The following KCNMA1 variants were observed in gnomAD, a reference collection of about 807,000 sequenced individuals.
KCNMA1 encodes the protein potassium calcium-activated channel subfamily M alpha 1.
Under a neutral mutation model 140.0 loss-of-function variants are expected in KCNMA1, and 29 were observed. The observed-to-expected ratio is 0.21, with a 90% CI of 0.15 to 0.28. The LOEUF (loss-of-function observed/expected upper bound fraction) is 0.28, where lower values mean the gene tolerates loss of function less well. KCNMA1 is among the 10% of genes least tolerant of loss of function. KCNMA1 has a pLI of 1.00. For synonymous variants in KCNMA1, 612 were observed against 611.9 expected, an observed-to-expected ratio of 1.00 and a Z score of 0.00; for missense variants, 880 against 1,602.2, an observed-to-expected ratio of 0.55 and a Z score of 7.70.
chr10:77,222,364 T>C (rs2049967499), intron 3 of KCNMA1, among the ~76,000 whole-genome samples: 1 of 152,218 alleles, frequency 6.6e-6, no homozygotes, highest in Non-Finnish European at 1.5e-5. Flanking sequence ...TCTAACCCTC[T>C]ATTCTCCTAC....
At chr10:77,077,406 G>A (rs2096433874) in intron 13 of KCNMA1, among the ~76,000 whole-genome samples, 1 of 152,170 alleles carries the variant, frequency 6.6e-6, no homozygotes, top group African/African-American at 2.4e-5. Context: ...CACTGTTTCT[G>A]AATAATTACA....
At chr10:77,444,932 T>C (rs954016442) in intron 1 of KCNMA1, among the ~76,000 whole-genome samples, 2 of 152,088 alleles carry the variant, frequency 1.3e-5, no homozygotes, top group Non-Finnish European at 2.9e-5. Flanking sequence ...CCATCCACAT[T>C]ATCTCCCCAG....
chr10:77,274,423 G>T (rs534824224), intron 2 of KCNMA1, among the ~76,000 whole-genome samples: 1 of 152,226 alleles, frequency 6.6e-6, no homozygotes, highest in East Asian at 1.9e-4. Context: ...CCTAATCAAG[G>T]AAACTACACA....
rs57378692 is a variant in KCNMA1, at chr10:77,634,780, AACACACACAC to A, written c.378+2475_378+2484del. 1,225 of 154,020 alleles carry A rather than the reference AACACACACAC, an allele frequency of 8.0e-3. 13 individuals carry two copies. Among genetic ancestry groups the A allele is most frequent in the East Asian group, 0.032 (161 of 4,974 alleles). The allele number at this position is 154,020 out of a possible 1,614,324, so 9.5% of individuals were successfully genotyped here. ...TGGAAAGAAAAAAGAAAAAAAGACA[AACACACACAC>A]ACACACACACACACACACACACACA... On this transcript the variant is annotated intron_variant, in intron 1 of 27. Transcript: ENST00000286628.
intron 1 of KCNMA1, among the ~76,000 whole-genome samples, chr10:77,410,740 C>G (rs2154475682): frequency 6.6e-6 from 1 of 152,312 alleles, no homozygotes; most frequent in Non-Finnish European, 1.5e-5. Flanking sequence ...CTCATGCTGC[C>G]AGGACATTCC....
intron 1 of KCNMA1, among the ~76,000 whole-genome samples, chr10:77,558,977 C>G (rs2065442984): frequency 6.6e-6 from 1 of 152,172 alleles, no homozygotes; most frequent in South Asian, 2.1e-4. Flanking sequence ...TGTAACATAG[C>G]AGTTGCAGTG....
chr10:77,417,200 C>T (rs1306199201), intron 1 of KCNMA1, among the ~76,000 whole-genome samples: 2 of 152,222 alleles, frequency 1.3e-5, no homozygotes, highest in Admixed American at 6.5e-5. Flanking sequence ...GTCCTGTCTC[C>T]AGGGCCCACA....
chr10:77,396,128 A>G lies in KCNMA1; in HGVS notation c.540+7734T>C, dbSNP rs61256985. On this transcript the variant is annotated intron_variant, in intron 2 of 27. Coordinates refer to ENST00000286628, the MANE Select transcript of KCNMA1 (RefSeq NM_001161352.2). ...CCCTTAGGAGTGTTAAAACAATGCC[A>G]ATAAAACTCCAACTGATTCCCAATA... 7.4e-3 allele frequency among the ~76,000 whole-genome samples: 1,122 copies of G among 152,326 alleles called. 19 individuals are homozygous for G. Among genetic ancestry groups the G allele is most frequent in the African/African-American group, 0.025 (1,058 of 41,574 alleles).
At chr10:76,999,054 T>A (rs2085321112) in intron 19 of KCNMA1, among the ~76,000 whole-genome samples, 1 of 152,188 alleles carries the variant, frequency 6.6e-6, no homozygotes, top group Non-Finnish European at 1.5e-5. Flanking sequence ...AAGCTCCACG[T>A]GTTCCCTGGT....
intron 1 of KCNMA1, among the ~76,000 whole-genome samples, chr10:77,563,171 A>G (rs1023836335): frequency 2.0e-5 from 3 of 152,192 alleles, no homozygotes; most frequent in Non-Finnish European, 4.4e-5. Flanking sequence ...CTAAGCTTCA[A>G]AAGCTCAAGC....
Position 76,979,808 on chromosome 10 carries a change from A to C in KCNMA1, c.2267-9741T>G, listed in dbSNP as rs2078863954. ...GATGGGTGCACTGATAATTTCTTTC[A>C]AACTCAGATAAAGGTAAAATGCATG... On this transcript the variant is annotated intron_variant, in intron 19 of 27. Coordinates refer to ENST00000286628, the MANE Select transcript of KCNMA1 (RefSeq NM_001161352.2). The C allele has an allele frequency of 2.0e-5, 3 of 152,146 alleles. No homozygotes were observed. In the South Asian group the frequency reaches 6.2e-4, roughly 32 times the overall value. The allele number at this position is 152,146 out of a possible 1,614,324, so 9.4% of individuals were successfully genotyped here.
intron 3 of KCNMA1, among the ~76,000 whole-genome samples, chr10:77,232,090 A>T (rs1325050563): frequency 2.0e-5 from 3 of 152,204 alleles, no homozygotes. Context: ...CAAGGTACAC[A>T]TATGTTGTGG....
At chr10:76,893,399 TA>T in intron 25 of KCNMA1, among the ~76,000 whole-genome samples, 1 of 152,194 alleles carries the variant, frequency 6.6e-6, no homozygotes, top group East Asian at 1.9e-4. Flanking sequence ...CTCAGGGCTT[TA>T]AAAACCAAGC....
chr10:77,273,848 GA>G (rs1178250145), intron 2 of KCNMA1, among the ~76,000 whole-genome samples: 21 of 152,268 alleles, frequency 1.4e-4, no homozygotes, highest in Non-Finnish European at 2.9e-4. Context: ...GGCTATCACA[GA>G]GAACACATGA....
At chr10:77,555,755 C>T (rs1370241515) in intron 1 of KCNMA1, among the ~76,000 whole-genome samples, 1 of 152,140 alleles carries the variant, frequency 6.6e-6, no homozygotes, top group Non-Finnish European at 1.5e-5. Flanking sequence ...GAGAAGGGAA[C>T]AGTACAGAGA....
intron 5 of KCNMA1, among the ~76,000 whole-genome samples, chr10:77,163,720 T>C (rs537259805): frequency 1.3e-5 from 2 of 152,198 alleles, no homozygotes; most frequent in Non-Finnish European, 2.9e-5. Flanking sequence ...CTGATGGTTA[T>C]GCTAATTACT....
chr10:77,267,678 T>C (rs2063803032), intron 2 of KCNMA1, among the ~76,000 whole-genome samples: 1 of 152,208 alleles, frequency 6.6e-6, no homozygotes, highest in Non-Finnish European at 1.5e-5. Context: ...AGCAACCCTC[T>C]CTTTCTCTCC....
At chr10:77,148,896 A>C (rs7094815) in intron 5 of KCNMA1, among the ~76,000 whole-genome samples, 72,566 of 151,672 alleles carry the variant, frequency 0.48, 18,334 homozygotes, top group African/African-American at 0.59. Context: ...ATTTGAGAAC[A>C]GGTACTTCTA....
chr10:77,382,885 A>T (rs796920918), intron 2 of KCNMA1, among the ~76,000 whole-genome samples: 25,536 of 91,122 alleles, frequency 0.28, 5,192 homozygotes, highest in Non-Finnish European at 0.37. Context: ...AAAAAAAAAA[A>T]ATATATATAT....
Sources: allele counts gnomAD v4.1 joint callset (sites outside exome capture counted in the v4.1 genomes callset), GRCh38; gene constraint gnomAD v4.1.1; transcripts MANE v1.5; gene names NCBI Gene and HGNC (gene_info 2026-07-23, HGNC 2026-07-21).